NTRK2: variants seen among roughly 807,000 people sequenced by gnomAD.
NTRK2 encodes neurotrophic receptor tyrosine kinase 2.
NTRK2 carries 13 observed loss-of-function variants against 94.5 expected under a neutral mutation model. The observed-to-expected ratio is 0.14, with a 90% CI of 0.09 to 0.22. The LOEUF (loss-of-function observed/expected upper bound fraction) is 0.22. Ranked by LOEUF, NTRK2 falls within the 10% of genes least tolerant of loss-of-function variation. NTRK2 has a pLI of 1.00. For missense variants in NTRK2, 639 were observed against 1,071.2 expected (o/e 0.60, Z 5.63); for synonymous variants, 372 against 407.4 (o/e 0.91, Z 1.05).
chr9:84,874,962 C>A, intron 14 of NTRK2: 1 of 1,055,536 alleles, frequency 9.5e-7, no homozygotes, highest in Non-Finnish European at 1.1e-6. Context: ...TTCAAGTGCC[C>A]TAAAATGGGT....
chr9:84,999,268 C>T (rs1412134574), intron 17 of NTRK2, among the ~76,000 whole-genome samples: 2 of 152,182 alleles, frequency 1.3e-5, no homozygotes, highest in Non-Finnish European at 2.9e-5. Flanking sequence ...TGATAACATG[C>T]ATAAGATGCT....
chr9:84,878,207 G>A (rs1483971113), intron 14 of NTRK2, among the ~76,000 whole-genome samples: 1 of 152,164 alleles, frequency 6.6e-6, no homozygotes. Flanking sequence ...AGATAAAAAA[G>A]AATGCAAAAG....
chr9:84,831,888 T>C (rs2073570045), intron 12 of NTRK2, among the ~76,000 whole-genome samples: 1 of 152,210 alleles, frequency 6.6e-6, no homozygotes, highest in Admixed American at 6.5e-5. Context: ...CAAAGTAAGA[T>C]AAACCTCTAA....
Position 85,022,604 on chromosome 9 carries a change from C to T in NTRK2, c.*1167C>T, listed in dbSNP as rs908790648. 1 of 233,144 alleles carries T rather than the reference C, an allele frequency of 4.3e-6. No homozygotes were observed. Among genetic ancestry groups the T allele is most frequent in the Admixed American group, 5.6e-5 (1 of 17,784 alleles). The allele number at this position is 233,144 out of a possible 1,614,324, so 14.4% of individuals were successfully genotyped here. ...ACCCCTAACTTCCATGCCCACCCGT[C>T]CTTTTAACTGTGCAAGCAAAATTGT... On this transcript the variant is annotated 3_prime_UTR_variant, in exon 19 of 19. Coordinates refer to ENST00000277120, the MANE Select transcript of NTRK2 (RefSeq NM_006180.6).
chr9:84,844,146 C>A (rs2074338184), intron 12 of NTRK2, among the ~76,000 whole-genome samples: 1 of 152,150 alleles, frequency 6.6e-6, no homozygotes, highest in African/African-American at 2.4e-5. Context: ...GGAAGAGGAT[C>A]CTAGTGGCAA....
chr9:84,768,079 A>G (rs2066201804), intron 12 of NTRK2, among the ~76,000 whole-genome samples: 1 of 152,222 alleles, frequency 6.6e-6, no homozygotes, highest in Admixed American at 6.5e-5. Context: ...TCAAAAATCA[A>G]TAATGTTAAG....
At chr9:84,738,806 G>A (rs758868207) in intron 9 of NTRK2, among the ~76,000 whole-genome samples, 19 of 152,152 alleles carry the variant, frequency 1.2e-4, no homozygotes, top group Admixed American at 3.3e-4. Context: ...GTTATAGTTC[G>A]TCTCACATTG....
At chr9:84,811,291 C>CCT in intron 12 of NTRK2, 14 of 1,064,820 alleles carry the variant, frequency 1.3e-5, no homozygotes. Flanking sequence ...CAAAACAAAA[C>CCT]AAAACAAACA....
At chr9:84,810,748 C>A in intron 12 of NTRK2, 4 of 1,485,140 alleles carry the variant, frequency 2.7e-6, no homozygotes, top group East Asian at 2.5e-5. Flanking sequence ...ATGAAGCCTG[C>A]ATATACTGTG....
intron 14 of NTRK2, chr9:84,872,881 A>G (rs199575993): frequency 8.4e-5 from 89 of 1,065,226 alleles, no homozygotes; most frequent in Non-Finnish European, 9.1e-5. Context: ...CAAGGCACCC[A>G]TTCTGCTCCC....
chr9:84,831,477 C>T (rs1389373877), intron 12 of NTRK2, among the ~76,000 whole-genome samples: 6 of 152,116 alleles, frequency 3.9e-5, no homozygotes, highest in Non-Finnish European at 7.3e-5. Flanking sequence ...TTTCTATGCC[C>T]GTGGTACATT....
intron 12 of NTRK2, among the ~76,000 whole-genome samples, chr9:84,836,202 A>G (rs901530269): frequency 6.6e-6 from 1 of 152,230 alleles, no homozygotes; most frequent in African/African-American, 2.4e-5. Flanking sequence ...CTATTCAGGT[A>G]TTTAAGGCCG....
chr9:84,931,546 C>A lies in NTRK2; in HGVS notation c.1634-2616C>A, dbSNP rs142862244. 6.5e-3 allele frequency among the ~76,000 whole-genome samples: 981 copies of A among 151,996 alleles called. 6 individuals carry two copies. Among genetic ancestry groups the A allele is most frequent in the Middle Eastern group, 0.01 (3 of 292 alleles). On this transcript the variant is annotated intron_variant, in intron 14 of 18. Coordinates refer to ENST00000277120, the MANE Select transcript of NTRK2 (RefSeq NM_006180.6). ...AAATGCAAATATAGTAGCCCATTTCCTAAAGAAAAGATGCAGCTCTCCTGC... is the reference window on the plus strand; with the variant it reads ...AAATGCAAATATAGTAGCCCATTTCATAAAGAAAAGATGCAGCTCTCCTGC...
intron 17 of NTRK2, among the ~76,000 whole-genome samples, chr9:85,001,820 C>T (rs554498192): frequency 1.3e-5 from 2 of 152,364 alleles, no homozygotes; most frequent in South Asian, 4.1e-4. Context: ...CTGACTGACA[C>T]AGAGCCTTCT....
chr9:84,966,582 C>T (rs1825583899), intron 17 of NTRK2, among the ~76,000 whole-genome samples: 1 of 152,160 alleles, frequency 6.6e-6, no homozygotes, highest in South Asian at 2.1e-4. Flanking sequence ...CAGGCACCTG[C>T]CACCACACTG....
At chr9:84,847,383 T>G (rs1261097808) in intron 12 of NTRK2, among the ~76,000 whole-genome samples, 1 of 152,216 alleles carries the variant, frequency 6.6e-6, no homozygotes, top group East Asian at 1.9e-4. Context: ...AGTGGAGATT[T>G]ATTGTTTCAC....
chr9:84,734,253 T>C (rs1588240549), intron 9 of NTRK2, among the ~76,000 whole-genome samples: 1 of 152,226 alleles, frequency 6.6e-6, no homozygotes, highest in Admixed American at 6.5e-5. Context: ...TGACACATGA[T>C]AGGCAGGTGC....
intron 12 of NTRK2, among the ~76,000 whole-genome samples, chr9:84,808,449 C>T (rs1454378173): frequency 6.6e-6 from 1 of 152,164 alleles, no homozygotes; most frequent in Non-Finnish European, 1.5e-5. Flanking sequence ...GTCTCTATCA[C>T]TAAGTTTCTC....
intron 12 of NTRK2, among the ~76,000 whole-genome samples, chr9:84,842,639 G>C (rs930908983): frequency 4.6e-5 from 7 of 152,094 alleles, no homozygotes; most frequent in Non-Finnish European, 1.0e-4. Context: ...CATCTCCCTG[G>C]GGCTGATTTC....
Sources: allele counts gnomAD v4.1 joint callset (sites outside exome capture counted in the v4.1 genomes callset), GRCh38; gene constraint gnomAD v4.1.1; transcripts MANE v1.5; gene names NCBI Gene and HGNC (gene_info 2026-07-23, HGNC 2026-07-21).